The following TRIM24 variants were observed in gnomAD, a reference collection of about 807,000 sequenced individuals.
TRIM24 encodes the protein tripartite motif containing 24.
A neutral mutation model predicts 123.9 loss-of-function variants in TRIM24; 29 were observed. The observed-to-expected ratio is 0.23, with a 90% confidence interval of 0.17 to 0.32. The LOEUF (loss-of-function observed/expected upper bound fraction) is 0.32, where lower values mean the gene tolerates loss of function less well. TRIM24 is among the 10% of genes least tolerant of loss of function. TRIM24 has a pLI of 1.00. For missense variants in TRIM24, 932 were observed against 1,295.3 expected (o/e 0.72, Z 4.31); for synonymous variants, 456 against 461.1 (o/e 0.99, Z 0.14).
At chr7:138,511,324 G>A (rs1376025556) in intron 2 of TRIM24, among the ~76,000 whole-genome samples, 1 of 148,646 alleles carries the variant, frequency 6.7e-6, no homozygotes, top group African/African-American at 2.5e-5. Flanking sequence ...TTTTTGAGAT[G>A]GAGTTTTACT....
chr7:138,579,683 C>T, intron 15 of TRIM24, 151 bp downstream of exon 15: 1 of 654,136 alleles, frequency 1.5e-6, no homozygotes, highest in Non-Finnish European at 2.6e-6. Flanking sequence ...TTCCCATACC[C>T]TTCCGCTTAT....
chr7:138,560,035 G>T (rs941441027), intron 9 of TRIM24, among the ~76,000 whole-genome samples: 4 of 152,106 alleles, frequency 2.6e-5, no homozygotes, highest in Admixed American at 2.6e-4. Flanking sequence ...CCTATGATTG[G>T]GGATGGCCAA....
At chr7:138,576,022 A>G (rs1422640129) in intron 12 of TRIM24, among the ~76,000 whole-genome samples, 1 of 152,170 alleles carries the variant, frequency 6.6e-6, no homozygotes, top group African/African-American at 2.4e-5. Flanking sequence ...AGACTTGGCA[A>G]TGTTTGGAGA....
intron 9 of TRIM24, among the ~76,000 whole-genome samples, chr7:138,558,751 TC>T (rs1188523122): frequency 6.6e-6 from 1 of 152,216 alleles, no homozygotes; most frequent in Non-Finnish European, 1.5e-5. Flanking sequence ...TAGCCTGTAG[TC>T]CATATGGGCA....
intron 1 of TRIM24, among the ~76,000 whole-genome samples, chr7:138,463,117 C>T (rs905347957): frequency 3.5e-5 from 5 of 142,808 alleles, no homozygotes; most frequent in East Asian, 4.3e-4. Flanking sequence ...CTTGAACTCC[C>T]GACCTCAGGT....
At chr7:138,473,288 GATA>G (rs888133858) in intron 1 of TRIM24, among the ~76,000 whole-genome samples, 19 of 152,196 alleles carry the variant, frequency 1.2e-4, no homozygotes, top group African/African-American at 4.1e-4. Flanking sequence ...TCAAAAAAAT[GATA>G]ATAATAATTC....
At chr7:138,508,702 TGTGTGC>T (rs1162703103) in intron 2 of TRIM24, among the ~76,000 whole-genome samples, 553 of 40,426 alleles carry the variant, frequency 0.014, 23 homozygotes, top group East Asian at 0.033. Context: ...TGCGCGCGCG[TGTGTGC>T]GTGTGTGTGT....
intron 1 of TRIM24, among the ~76,000 whole-genome samples, chr7:138,473,065 AG>A (rs1001778487): frequency 6.6e-6 from 1 of 152,132 alleles, no homozygotes; most frequent in African/African-American, 2.4e-5. Context: ...GGGTTACCTG[AG>A]GTCAGGAGTT....
At chr7:138,533,912 A>G (rs1563050256) in intron 6 of TRIM24, among the ~76,000 whole-genome samples, 1 of 152,114 alleles carries the variant, frequency 6.6e-6, no homozygotes, top group African/African-American at 2.4e-5. Flanking sequence ...TGGTCTATTC[A>G]GGGATTCAAC....
chr7:138,574,923 C>A (rs1389001396), intron 12 of TRIM24, among the ~76,000 whole-genome samples: 2 of 151,918 alleles, frequency 1.3e-5, no homozygotes, highest in Non-Finnish European at 1.5e-5. Context: ...ATAGGCAGAT[C>A]GTATTTATTA....
intron 1 of TRIM24, among the ~76,000 whole-genome samples, chr7:138,478,471 C>G (rs569627444): frequency 1.3e-5 from 2 of 152,072 alleles, no homozygotes; most frequent in Non-Finnish European, 1.5e-5. Context: ...AAAACCCTGT[C>G]TTTTTATTTA....
At chr7:138,478,691 T>C (rs1795458871) in intron 1 of TRIM24, among the ~76,000 whole-genome samples, 1 of 152,162 alleles carries the variant, frequency 6.6e-6, no homozygotes, top group Non-Finnish European at 1.5e-5. Context: ...GCAGTATCAG[T>C]TGAGCAAGTG....
intron 2 of TRIM24, 93 bp from the exon 3 acceptor site, chr7:138,515,119 C>T (rs546534027): frequency 1.1e-5 from 15 of 1,307,130 alleles, no homozygotes; most frequent in African/African-American, 4.3e-5. Context: ...ACTGATTTAG[C>T]CTGGTACAAT....
intron 1 of TRIM24, among the ~76,000 whole-genome samples, chr7:138,503,073 G>A (rs1796075857): frequency 6.6e-6 from 1 of 151,998 alleles, no homozygotes; most frequent in Admixed American, 6.6e-5. Flanking sequence ...AGTTGTTGCA[G>A]CAACATGAAA....
intron 2 of TRIM24, among the ~76,000 whole-genome samples, chr7:138,504,859 T>C (rs9791634): frequency 0.36 from 54,131 of 151,458 alleles, 9,792 homozygotes; most frequent in East Asian, 0.51. Context: ...CTCCTGGGTT[T>C]GAGTGCTTCT....
chr7:138,516,142 A>G (rs752435783), intron 3 of TRIM24, among the ~76,000 whole-genome samples: 14 of 152,104 alleles, frequency 9.2e-5, no homozygotes, highest in Non-Finnish European at 4.4e-5. Flanking sequence ...TACTAAAAAC[A>G]TACAAAAAAA....
chr7:138,556,256 T>C (rs1220598115), intron 9 of TRIM24: 1 of 152,216 alleles, frequency 6.6e-6, no homozygotes, highest in African/African-American at 2.4e-5. Context: ...ATTTTTCTAC[T>C]CTTTACCTAC....
chr7:138,498,370 G>A (rs867215210), intron 1 of TRIM24, among the ~76,000 whole-genome samples: 45 of 151,482 alleles, frequency 3.0e-4, no homozygotes, highest in African/African-American at 9.2e-4. Context: ...GATTACAGGC[G>A]CCTGCCATCA....
At chr7:138,485,215 A>G (rs1236005165) in intron 1 of TRIM24, among the ~76,000 whole-genome samples, 2 of 152,054 alleles carry the variant, frequency 1.3e-5, no homozygotes, top group Non-Finnish European at 2.9e-5. Flanking sequence ...TTTTTTTTAC[A>G]GTAGTAAAAT....
Sources: gnomAD v4.1 joint callset for allele counts (sites outside exome capture counted in the v4.1 genomes callset) on GRCh38, gnomAD v4.1.1 for gene constraint, MANE v1.5 for transcripts, NCBI Gene and HGNC (gene_info 2026-07-23, HGNC 2026-07-21) for gene names.